The following TIAM2 variants were observed in gnomAD, a reference collection of about 807,000 sequenced individuals.
The protein encoded by TIAM2 is rho guanine nucleotide exchange factor TIAM2.
In TIAM2, 80 loss-of-function variants were observed where a neutral mutation model predicts 152.9. That is an observed-to-expected ratio of 0.52 (90% CI 0.44 to 0.63). TIAM2 has a LOEUF of 0.63. Ranked by LOEUF, TIAM2 falls within the 30% of genes least tolerant of loss-of-function variation. TIAM2 has a pLI of 0.00. For synonymous variants in TIAM2, 804 were observed against 838.0 expected (o/e 0.96, Z 0.70); for missense variants, 1,965 against 2,120.1 (o/e 0.93, Z 1.44).
In TIAM2 at chr6:155,029,416, AC is replaced by A. The variant is rs1368471190; in HGVS notation, c.-209+33925del. 3.3e-4 allele frequency among the ~76,000 whole-genome samples: 29 copies of A among 88,080 alleles called. 2 individuals are homozygous for A. The highest frequency in any genetic ancestry group is 2.1e-3 in the East Asian group (6 of 2,850). The allele number at this position is 88,080 out of a possible 152,430, so 57.8% of individuals were successfully genotyped here. ...ATATACTATAGTATATATAATATAT[AC>A]TATATATACTATAGTATATATTATA... On this transcript the variant is annotated intron_variant, in intron 1 of 26. Coordinates refer to ENST00000682666, the MANE Select transcript of TIAM2 (RefSeq NM_012454.4).
At chr6:155,014,707 T>A (rs1229901033) in intron 1 of TIAM2, among the ~76,000 whole-genome samples, 5 of 152,242 alleles carry the variant, frequency 3.3e-5, no homozygotes, top group African/African-American at 1.2e-4. Flanking sequence ...TTTACTTATT[T>A]AATTTTTCCT....
intron 1 of TIAM2, among the ~76,000 whole-genome samples, chr6:155,045,159 C>T (rs1051223275): frequency 2.0e-5 from 3 of 151,504 alleles, no homozygotes; most frequent in East Asian, 2.0e-4. Flanking sequence ...CTCTGCCTTC[C>T]GTGTTCACAC....
intron 14 of TIAM2, among the ~76,000 whole-genome samples, chr6:155,209,224 C>T (rs1022256623): frequency 1.3e-5 from 2 of 151,986 alleles, no homozygotes; most frequent in Admixed American, 6.6e-5. Flanking sequence ...AGAAGCAGCC[C>T]GCGAGAGCAT....
At chr6:155,095,731 T>G (rs951533477) in intron 2 of TIAM2, among the ~76,000 whole-genome samples, 1 of 152,220 alleles carries the variant, frequency 6.6e-6, no homozygotes, top group Non-Finnish European at 1.5e-5. Context: ...TGAATTAAAC[T>G]TATTAGGAAT....
In TIAM2 at chr6:155,224,318, T is replaced by C. The variant is rs552628683; in HGVS notation, c.3168+13011T>C. On this transcript the variant is annotated intron_variant, in intron 15 of 26. Coordinates refer to ENST00000682666, the MANE Select transcript of TIAM2 (RefSeq NM_012454.4). ...TTCTGAGTCATTTTGCAATTTCCTC[T>C]ATAGACTCAGCTAAGAGTAGATGTG... 1.8e-4 allele frequency among the ~76,000 whole-genome samples: 28 copies of C among 152,326 alleles called. 1 individual carries two copies. In the South Asian group the frequency reaches 5.4e-3, roughly 29 times the overall value.
intron 1 of TIAM2, among the ~76,000 whole-genome samples, chr6:155,076,769 C>T (rs932099089): frequency 6.6e-6 from 1 of 152,138 alleles, no homozygotes; most frequent in African/African-American, 2.4e-5. Flanking sequence ...GATTGTGGCT[C>T]ACTGCAACCT....
At chr6:155,131,704 T>C (rs551903913) in intron 4 of TIAM2, among the ~76,000 whole-genome samples, 4 of 151,958 alleles carry the variant, frequency 2.6e-5, no homozygotes, top group Non-Finnish European at 4.4e-5. Flanking sequence ...CTCAGCCTCC[T>C]GAGTAGCTGG....
chr6:155,033,594 A>C (rs192576521), intron 1 of TIAM2, among the ~76,000 whole-genome samples: 2 of 152,188 alleles, frequency 1.3e-5, no homozygotes, highest in East Asian at 3.9e-4. Context: ...AGAAAAAAAA[A>C]AGTTTGCCCC....
intron 15 of TIAM2, 75 bp from the exon 16 acceptor site, chr6:155,240,454 CT>C: frequency 6.8e-7 from 1 of 1,477,668 alleles, no homozygotes; most frequent in South Asian, 1.3e-5. Context: ...GACGGAGACA[CT>C]TGGTGCCCTT....
intron 1 of TIAM2, among the ~76,000 whole-genome samples, chr6:155,005,799 G>T (rs1402123627): frequency 2.6e-5 from 4 of 151,814 alleles, no homozygotes; most frequent in Non-Finnish European, 5.9e-5. Flanking sequence ...GCAGGCGCCT[G>T]CCACCACGCC....
chr6:155,077,348 A>G (rs554258808), intron 1 of TIAM2, among the ~76,000 whole-genome samples: 39 of 152,328 alleles, frequency 2.6e-4, no homozygotes, highest in African/African-American at 8.9e-4. Context: ...TTAGAATATT[A>G]AGAAAATATT....
chr6:155,074,523 T>C (rs1223126934), intron 1 of TIAM2, among the ~76,000 whole-genome samples: 2 of 152,070 alleles, frequency 1.3e-5, no homozygotes, highest in Non-Finnish European at 2.9e-5. Context: ...AATTTTTATA[T>C]TTTTAGTAGA....
At chr6:155,032,712 T>G (rs1776848402) in intron 1 of TIAM2, among the ~76,000 whole-genome samples, 1 of 152,124 alleles carries the variant, frequency 6.6e-6, no homozygotes, top group Admixed American at 6.6e-5. Flanking sequence ...AGCTAATTTT[T>G]TGTATTTTTA....
intron 14 of TIAM2, among the ~76,000 whole-genome samples, chr6:155,201,625 A>G (rs1317872307): frequency 1.3e-5 from 2 of 152,204 alleles, no homozygotes; most frequent in African/African-American, 4.8e-5. Context: ...GAAGGAAGAT[A>G]TGGGTACATC....
At chr6:155,012,999 A>G (rs1401615766) in intron 1 of TIAM2, among the ~76,000 whole-genome samples, 1 of 152,156 alleles carries the variant, frequency 6.6e-6, no homozygotes, top group African/African-American at 2.4e-5. Context: ...GAGTTTAAGT[A>G]ACCTGCCCAG....
intron 1 of TIAM2, among the ~76,000 whole-genome samples, chr6:155,067,636 ATGATGT>A (rs56126185): frequency 0.35 from 53,529 of 151,364 alleles, 10,251 homozygotes; most frequent in Middle Eastern, 0.48. Flanking sequence ...AGGGATGATG[ATGATGT>A]TGATGATGAT....
At chr6:155,249,776 C>T (rs1052257387) in intron 20 of TIAM2, 75 bp from the exon 21 acceptor site, 1 of 1,263,454 alleles carries the variant, frequency 7.9e-7, no homozygotes, top group South Asian at 1.4e-5. Context: ...AATCTTGACT[C>T]CATTCATTAT....
chr6:155,066,783 T>C (rs558337923), intron 1 of TIAM2, among the ~76,000 whole-genome samples: 16 of 152,042 alleles, frequency 1.1e-4, no homozygotes, highest in African/African-American at 3.4e-4. Context: ...TGAGACTGAG[T>C]CTCGCTCTGT....
chr6:155,253,117 A>G, intron 24 of TIAM2, 64 bp downstream of exon 24: 1 of 1,381,348 alleles, frequency 7.2e-7, no homozygotes, highest in Non-Finnish European at 1.0e-6. Flanking sequence ...GTGGAATGTA[A>G]ATTAAGAAAG....
Sources: gnomAD v4.1 joint callset for allele counts (sites outside exome capture counted in the v4.1 genomes callset) on GRCh38, gnomAD v4.1.1 for gene constraint, MANE v1.5 for transcripts, NCBI Gene and HGNC (gene_info 2026-07-23, HGNC 2026-07-21) for gene names.